The following VPS9D1 variants were observed in gnomAD, a reference collection of about 807,000 sequenced individuals.
VPS9D1 encodes VPS9 domain-containing protein 1.
Under a neutral mutation model 75.8 loss-of-function variants are expected in VPS9D1, and 78 were observed. The ratio of observed to expected loss-of-function variants is 1.03; its 90% CI spans 0.86 to 1.24. VPS9D1 has a LOEUF of 1.24. Among genes scored for constraint, VPS9D1 ranks in the 50% most tolerant of loss-of-function variants. The probability of loss-of-function intolerance (pLI) is 0.00; values close to 1 mark genes in which losing one functional copy is unlikely to be tolerated. For synonymous variants in VPS9D1, 481 were observed against 385.6 expected (o/e 1.25, Z -2.90); for missense variants, 1,057 against 847.7 (o/e 1.25, Z -3.07).
At chr16:89,715,463 T>TGATCCACCCACCTCG (rs1003420853) in intron 4 of VPS9D1, among the ~76,000 whole-genome samples, 6 of 151,894 alleles carry the variant, frequency 4.0e-5, no homozygotes, top group Non-Finnish European at 5.9e-5. Context: ...CCTGACCTCA[T>TGATCCACCCACCTCG]GATCCACCCA....
Position 89,712,623 on chromosome 16 carries a change from G to T in VPS9D1, c.525C>A (p.Ala175=), listed in dbSNP as rs747577204. 1.2e-6 allele frequency: 2 copies of T among 1,609,986 alleles called. No homozygotes were observed. Among genetic ancestry groups the T allele is most frequent in the South Asian group, 2.2e-5 (2 of 90,936 alleles). Residue 175 remains alanine, a synonymous_variant, in exon 5 of 15, where the codon GCC becomes GCA. Transcript: ENST00000389386. ...ARMARLDPSQ[A]MQKTSLTLSL... The stretch of plus-strand genomic sequence containing the variant: ...CACTCACCAGGGATGTCTTCTGCAT[G>T]GCCTGGCTGGGGTCTAGCCGCGCCA...
At position 89,708,525 on chromosome 16, in the gene VPS9D1, G is replaced by A. The variant is rs377492171; in HGVS notation, c.1704C>T (p.Ala568=). Residue 568 remains alanine (A), a synonymous_variant, in exon 14 of 15, where the codon GCC becomes GCT. Coordinates refer to ENST00000389386, the MANE Select transcript of VPS9D1 (RefSeq NM_004913.3). The part of the protein sequence containing the change: ...PPPIAAAAIG[A]DDLLPILSFV... ...AGGACAGGATGGGCAGCAGGTCATC[G>A]GCACCACTGTCGGGAGGGCATAGCG... 8.4e-5 allele frequency: 135 copies of A among 1,612,776 alleles called. No individual in the cohort carries two copies. The highest frequency in any genetic ancestry group is 4.3e-4 in the South Asian group (39 of 90,970).
At chr16:89,720,354 A>C in intron 1 of VPS9D1, 1 of 922,594 alleles carries the variant, frequency 1.1e-6, no homozygotes, top group Non-Finnish European at 1.3e-6. Flanking sequence ...ACAAATGAGC[A>C]GGTATGTGGC....
chr16:89,712,183 A>G, intron 6 of VPS9D1, 84 bp from the exon 7 acceptor site: 1 of 1,531,098 alleles, frequency 6.5e-7, no homozygotes, highest in Non-Finnish European at 8.8e-7. Flanking sequence ...AGAGGCCGGG[A>G]CGTCCCAGGG....
At position 89,716,448 on chromosome 16, in the gene VPS9D1, C is replaced by T. The variant is rs775145063; in HGVS notation, c.431+14G>A. On this transcript the variant is annotated intron_variant, in intron 4 of 14. Coordinates refer to ENST00000389386, the MANE Select transcript of VPS9D1 (RefSeq NM_004913.3). ...ATCCCAGGCTCATCCCACCTCCCATCTTGTCCATCTTACTTCTTACAGCTT... is the reference window on the plus strand; with the variant it reads ...ATCCCAGGCTCATCCCACCTCCCATTTTGTCCATCTTACTTCTTACAGCTT... 16 of 1,613,708 alleles carry T rather than the reference C, an allele frequency of 9.9e-6. No individual in the cohort carries two copies. The East Asian group carries it at 3.3e-4, about 34-fold the overall frequency.
chr16:89,708,102 G>A (rs905066495), intron 14 of VPS9D1, 148 bp from the exon 15 acceptor site: 1 of 753,356 alleles, frequency 1.3e-6, no homozygotes. Context: ...GGCTAGAGGA[G>A]GCCTTTCCCA....
In VPS9D1 at chr16:89,707,837, C is replaced by T. The variant is rs568548507; in HGVS notation, c.*24G>A. 4 of 1,611,244 alleles carry T rather than the reference C, an allele frequency of 2.5e-6. No individual in the cohort carries two copies. Among genetic ancestry groups the T allele is most frequent in the Non-Finnish European group, 3.4e-6 (4 of 1,178,528 alleles). ...CCCTGGGAGGCGAGGCCAGGCCCTG[C>T]AGGGACCCTGGGCTCTAGCTGTACT... On this transcript the variant is annotated 3_prime_UTR_variant, in exon 15 of 15. Transcript: ENST00000389386.
chr16:89,712,430 G>C, intron 6 of VPS9D1, 30 bp downstream of exon 6: 8 of 1,611,234 alleles, frequency 5.0e-6, no homozygotes, highest in Non-Finnish European at 6.8e-6. Flanking sequence ...GTTTCCCCTC[G>C]GGGACCACCA....
Position 89,708,896 on chromosome 16 carries a change from G to T in VPS9D1, c.1658C>A (p.Thr553Lys), listed in dbSNP as rs2060850544. Residue 553 changes from threonine to lysine, a missense_variant, in exon 13 of 15, where the codon ACA (threonine) becomes AAA (lysine). Transcript: ENST00000389386. ...AEDYCPTPEATPQAGPPPIAA... is the reference protein window; with the variant it reads ...AEDYCPTPEAKPQAGPPPIAA... ...GATGGGCGGGGGCCCGGCCTGGGGT[G>T]TGGCCTCTGGGGTGGGGCAGTAGTC... 6.3e-7 allele frequency: 1 copy of T among 1,596,172 alleles called. No individual in the cohort carries two copies. Among genetic ancestry groups the T allele is most frequent in the African/African-American group, 1.4e-5 (1 of 74,050 alleles).
chr16:89,716,216 A>T (rs900862090), intron 4 of VPS9D1, among the ~76,000 whole-genome samples: 1 of 151,948 alleles, frequency 6.6e-6, no homozygotes, highest in Non-Finnish European at 1.5e-5. Flanking sequence ...AATACAAAAA[A>T]TTAGCTGGGT....
intron 12 of VPS9D1, 69 bp from the exon 13 acceptor site, chr16:89,709,025 G>GGGGCCCCCCCCC: frequency 1.6e-6 from 1 of 627,186 alleles, no homozygotes; most frequent in African/African-American, 4.2e-5. Context: ...CTTATACCCC[G>GGGGCCCCCCCCC]CCCACCCACC....
At chr16:89,709,752 G>A (rs767644658) in intron 11 of VPS9D1, 25 bp downstream of exon 11, 3 of 1,613,144 alleles carry the variant, frequency 1.9e-6, no homozygotes, top group South Asian at 2.2e-5. Flanking sequence ...AGGCCACGCA[G>A]GTGGTTGTAC....
chr16:89,712,147 G>A (rs1485857409), intron 6 of VPS9D1, 48 bp from the exon 7 acceptor site: 2 of 1,547,044 alleles, frequency 1.3e-6, no homozygotes, highest in Non-Finnish European at 1.7e-6. Flanking sequence ...GCGGGCCCTC[G>A]GTTCCCAACC....
intron 14 of VPS9D1, 97 bp downstream of exon 14, chr16:89,708,330 A>C (rs1597899202): frequency 8.3e-7 from 1 of 1,209,678 alleles, no homozygotes; most frequent in Non-Finnish European, 1.2e-6. Context: ...GCCACACGCT[A>C]CCCTCCCCAG....
intron 1 of VPS9D1, among the ~76,000 whole-genome samples, chr16:89,720,233 G>A (rs928463217): frequency 1.3e-5 from 2 of 152,306 alleles, no homozygotes; most frequent in Admixed American, 6.5e-5. Context: ...GCCGGGTGTG[G>A]CTGGGCCAGC....
Position 89,709,243 on chromosome 16 carries a change from C to T in VPS9D1, c.1581G>A (p.Lys527=), listed in dbSNP as rs1302770280. The change falls in exon 12 of 15, where the codon AAG becomes AAA. Residue 527 remains lysine, a synonymous_variant. Transcript: ENST00000389386. ...GLLVLESCPQ[K]KLECIVRTLR... ...CCTGCTGACCTATGCACTCCAGCTTCTTCTGGGGGCAGCTCTCCAGGACCA... is the reference window on the plus strand; with the variant it reads ...CCTGCTGACCTATGCACTCCAGCTTTTTCTGGGGGCAGCTCTCCAGGACCA... 2.5e-6 allele frequency: 4 copies of T among 1,611,896 alleles called. No individual in the cohort carries two copies. Among genetic ancestry groups the T allele is most frequent in the Admixed American group, 1.7e-5 (1 of 59,970 alleles).
intron 13 of VPS9D1, 59 bp downstream of exon 13, chr16:89,708,798 G>T: frequency 2.0e-6 from 3 of 1,471,370 alleles, no homozygotes; most frequent in South Asian, 2.6e-5. Flanking sequence ...TCCCTCCCGT[G>T]ACCATTGCCT....
intron 4 of VPS9D1, among the ~76,000 whole-genome samples, chr16:89,714,611 G>C (rs1045831306): frequency 2.0e-5 from 3 of 152,362 alleles, no homozygotes; most frequent in Non-Finnish European, 4.4e-5. Flanking sequence ...GGCAGGAGGA[G>C]TGGACCCTTC....
chr16:89,714,477 C>A (rs1279418883), intron 4 of VPS9D1, among the ~76,000 whole-genome samples: 1 of 152,210 alleles, frequency 6.6e-6, no homozygotes, highest in African/African-American at 2.4e-5. Flanking sequence ...TTCCCTCGTA[C>A]CTTCCCACTG....
Sources: allele counts gnomAD v4.1 joint callset (sites outside exome capture counted in the v4.1 genomes callset), GRCh38; gene constraint gnomAD v4.1.1; transcripts MANE v1.5; gene names NCBI Gene and HGNC (gene_info 2026-07-23, HGNC 2026-07-21).